The following ADGRE1 variants were observed in gnomAD, a reference collection of about 807,000 sequenced individuals.
ADGRE1 encodes EGF-like module receptor 1.
ADGRE1 carries 82 observed loss-of-function variants against 102.7 expected under a neutral mutation model. The observed-to-expected ratio is 0.80, with a 90% confidence interval of 0.67 to 0.96. The LOEUF (loss-of-function observed/expected upper bound fraction) is 0.96. Ranked by LOEUF, ADGRE1 falls within the 40% of genes least tolerant of loss-of-function variation. The pLI is 0.00. For synonymous variants in ADGRE1, 398 were observed against 399.6 expected (o/e 1.00, Z 0.05); for missense variants, 1,032 against 1,085.3 (o/e 0.95, Z 0.69).
In ADGRE1 at chr19:6,935,103, C is replaced by G. The variant is rs527375394; in HGVS notation, c.2381+25C>G. ...GGTAAAGCCCTCTTTCACCTCCCCC[C>G]CTCTTTTAATTTCCTCTTTCTTCTT... On this transcript the variant is annotated intron_variant, in intron 18 of 20. Coordinates refer to ENST00000312053, the MANE Select transcript of ADGRE1 (RefSeq NM_001974.5). 1.8e-4 allele frequency: 270 copies of G among 1,461,502 alleles called. 4 individuals are homozygous for G. The South Asian group carries it at 3.2e-3, about 17-fold the overall frequency. 90.5% of individuals were successfully genotyped at this position (1,461,502 alleles called of 1,614,324 possible).
Position 6,916,299 on chromosome 19 carries a change from T to C in ADGRE1, c.1351T>C (p.Leu451=). The C allele has an allele frequency of 1.2e-6, 2 of 1,613,654 alleles. No homozygotes were observed. The highest frequency in any genetic ancestry group is 1.7e-6 in the Non-Finnish European group (2 of 1,179,710). ...NKECSEENVT[L]DLVAKGDKMK... The stretch of plus-strand genomic sequence containing the variant: ...AGAATGCAGTGAAGAGAATGTGACG[T>C]TGGACTTGGTAGCCAAGGGGGATAA... Residue 451 remains leucine, a synonymous_variant, in exon 12 of 21, where the codon TTG becomes CTG. Coordinates refer to ENST00000312053, the MANE Select transcript of ADGRE1 (RefSeq NM_001974.5).
intron 11 of ADGRE1, among the ~76,000 whole-genome samples, chr19:6,915,476 G>A (rs762314668): frequency 6.6e-6 from 1 of 152,140 alleles, no homozygotes; most frequent in African/African-American, 2.4e-5. Context: ...AGAAATTGGA[G>A]GCACAGAGAG....
intron 5 of ADGRE1, among the ~76,000 whole-genome samples, chr19:6,899,314 T>C (rs953040855): frequency 1.2e-4 from 18 of 152,142 alleles, no homozygotes; most frequent in African/African-American, 4.1e-4. Flanking sequence ...CTAAACATCC[T>C]ATAATGCACC....
At chr19:6,936,073 T>A (rs1975389923) in intron 18 of ADGRE1, among the ~76,000 whole-genome samples, 1 of 152,212 alleles carries the variant, frequency 6.6e-6, no homozygotes, top group African/African-American at 2.4e-5. Context: ...CTAATAACAT[T>A]CTTTGCTTCT....
intron 12 of ADGRE1, among the ~76,000 whole-genome samples, chr19:6,917,275 A>G (rs1974426860): frequency 6.6e-6 from 1 of 152,264 alleles, no homozygotes; most frequent in East Asian, 1.9e-4. Flanking sequence ...ACAGTGTGCA[A>G]TATGGAAGAG....
intron 10 of ADGRE1, 117 bp from the exon 11 acceptor site, chr19:6,913,536 C>A: frequency 2.1e-6 from 2 of 934,816 alleles, no homozygotes; most frequent in Non-Finnish European, 3.0e-6. Flanking sequence ...CGAGTGGATG[C>A]CCCTTTTAAT....
chr19:6,910,536 G>A (rs565488845), intron 10 of ADGRE1, among the ~76,000 whole-genome samples: 30 of 147,456 alleles, frequency 2.0e-4, no homozygotes, highest in South Asian at 4.3e-4. Context: ...TGGTTTATTG[G>A]TTAGCTTCTC....
At chr19:6,893,664 G>A (rs766748228) in intron 2 of ADGRE1, among the ~76,000 whole-genome samples, 2 of 152,188 alleles carry the variant, frequency 1.3e-5, no homozygotes, top group Non-Finnish European at 2.9e-5. Flanking sequence ...ATGTGGTTGT[G>A]TGTCTTTGGG....
intron 12 of ADGRE1, among the ~76,000 whole-genome samples, chr19:6,919,191 C>T (rs1974524502): frequency 6.6e-6 from 1 of 152,006 alleles, no homozygotes; most frequent in Non-Finnish European, 1.5e-5. Flanking sequence ...CATCACCACG[C>T]CCGGCTAATT....
intron 2 of ADGRE1, among the ~76,000 whole-genome samples, chr19:6,894,264 C>G (rs560800378): frequency 6.6e-6 from 1 of 152,158 alleles, no homozygotes; most frequent in Admixed American, 6.6e-5. Flanking sequence ...AGCAAGTGAG[C>G]CTCTTTCCTA....
intron 2 of ADGRE1, 97 bp from the exon 3 acceptor site, chr19:6,896,301 C>A: frequency 8.0e-7 from 1 of 1,255,378 alleles, no homozygotes; most frequent in Non-Finnish European, 1.1e-6. Flanking sequence ...CACAATCCAA[C>A]CCATAACAGT....
chr19:6,921,937 G>A (rs1974685365), intron 14 of ADGRE1, 54 bp downstream of exon 14: 9 of 1,531,414 alleles, frequency 5.9e-6, no homozygotes, highest in Non-Finnish European at 3.5e-6. Context: ...CAAATCCAAT[G>A]GGAAAATATT....
rs1416374810 is a variant in ADGRE1 at position 6,916,321 on chromosome 19, A to T, written c.1373A>T (p.Asp458Val). The change falls in exon 12 of 21, where the codon GAT becomes GTT. Residue 458 changes from aspartate to valine, a missense_variant. Transcript: ENST00000312053. The part of the protein sequence containing the change: ...NVTLDLVAKG[D>V]KMKIGCSTIE... ...ACGTTGGACTTGGTAGCCAAGGGGG[A>T]TAAGATGAAGATCGGGTGTTCCACA... 8 of 1,613,674 alleles carry T rather than the reference A, an allele frequency of 5.0e-6. No homozygotes were observed. Among genetic ancestry groups the T allele is most frequent in the African/African-American group, 1.3e-5 (1 of 74,916 alleles).
chr19:6,922,052 G>A (rs574093569), intron 14 of ADGRE1, among the ~76,000 whole-genome samples, 169 bp downstream of exon 14: 1 of 152,276 alleles, frequency 6.6e-6, no homozygotes, highest in Non-Finnish European at 1.5e-5. Context: ...AGAATTTACA[G>A]TCTGGTTGGG....
intron 12 of ADGRE1, among the ~76,000 whole-genome samples, chr19:6,918,841 C>G (rs192908974): frequency 2.0e-5 from 3 of 151,986 alleles, no homozygotes; most frequent in African/African-American, 7.3e-5. Flanking sequence ...TGTCGTACCT[C>G]GGCCTCCCGA....
At chr19:6,912,332 A>T (rs1974236986) in intron 10 of ADGRE1, among the ~76,000 whole-genome samples, 1 of 152,184 alleles carries the variant, frequency 6.6e-6, no homozygotes. Context: ...CTGCTGCCAG[A>T]CTGCCAAGGT....
chr19:6,909,094 A>T (rs1974078907), intron 10 of ADGRE1, among the ~76,000 whole-genome samples: 1 of 151,284 alleles, frequency 6.6e-6, no homozygotes, highest in African/African-American at 2.4e-5. Flanking sequence ...AGATAGCACC[A>T]CTGCACTTCA....
In ADGRE1 at chr19:6,921,893, G is replaced by T. The variant is rs769581022; in HGVS notation, c.1791+10G>T. On this transcript the variant is annotated intron_variant, in intron 14 of 20. Transcript: ENST00000312053. ...GTCTGGGGAGCTCACGGTCAGTACT[G>T]ATGATTTGTTCCCTGAGGCAGAGTA... The T allele has an allele frequency of 3.8e-6, 6 of 1,596,326 alleles. No homozygotes were observed. Among genetic ancestry groups the T allele is most frequent in the African/African-American group, 1.3e-5 (1 of 74,332 alleles).
chr19:6,938,324 C>T lies in ADGRE1; in HGVS notation c.2655+676C>T, dbSNP rs192697544. 1.1e-4 allele frequency among the ~76,000 whole-genome samples: 16 copies of T among 143,004 alleles called. No individual in the cohort carries two copies. In the East Asian group the frequency reaches 2.0e-3, roughly 18 times the overall value. 93.8% of individuals were successfully genotyped at this position (143,004 alleles called of 152,430 possible). A position where few individuals can be genotyped will look rare whatever the true frequency, so the allele number is the denominator to read the frequency against. ...TGCACTCCAGCCTGGGCAAAAAGAG[C>T]GAAACTCCATCTCAAAAAAAAATTA... On this transcript the variant is annotated intron_variant, in intron 20 of 20. Transcript: ENST00000312053.
Sources: gnomAD v4.1 joint callset for allele counts (sites outside exome capture counted in the v4.1 genomes callset) on GRCh38, gnomAD v4.1.1 for gene constraint, MANE v1.5 for transcripts, NCBI Gene and HGNC (gene_info 2026-07-23, HGNC 2026-07-21) for gene names.